The following PTPRK variants were observed in gnomAD, a reference collection of about 807,000 sequenced individuals.
The protein encoded by PTPRK is protein tyrosine phosphatase receptor type K.
PTPRK carries 75 observed loss-of-function variants against 178.0 expected under a neutral mutation model. The observed-to-expected ratio is 0.42, with a 90% CI of 0.35 to 0.51. PTPRK has a LOEUF of 0.51. PTPRK is among the 20% of genes least tolerant of loss of function. The pLI, the probability that PTPRK is intolerant of heterozygous loss-of-function variation, is 0.02. For synonymous variants in PTPRK, 637 were observed against 620.6 expected (o/e 1.03, Z -0.39); for missense variants, 1,441 against 1,797.8 (o/e 0.80, Z 3.59).
At chr6:128,397,734 AAC>A in intron 1 of PTPRK, 46 bp from the exon 2 acceptor site, 5 of 1,585,130 alleles carry the variant, frequency 3.2e-6, no homozygotes, top group Non-Finnish European at 4.3e-6. Flanking sequence ...AGATTTTCCA[AAC>A]ATAACGAAAG....
intron 3 of PTPRK, among the ~76,000 whole-genome samples, chr6:128,301,032 A>T (rs1825522917): frequency 6.6e-6 from 1 of 151,864 alleles, no homozygotes; most frequent in East Asian, 1.9e-4. Context: ...CCAACAGGAG[A>T]GCTTTTTCAG....
chr6:128,256,465 A>C (rs1817329279), intron 3 of PTPRK, among the ~76,000 whole-genome samples: 1 of 147,514 alleles, frequency 6.8e-6, no homozygotes, highest in African/African-American at 2.5e-5. Context: ...TTTTTTTGAG[A>C]TGGAGTCTCG....
At chr6:128,173,946 C>A (rs1800672414) in intron 7 of PTPRK, among the ~76,000 whole-genome samples, 2 of 150,244 alleles carry the variant, frequency 1.3e-5, no homozygotes, top group Non-Finnish European at 3.0e-5. Context: ...AAAATGTATT[C>A]CCTTACATAA....
At chr6:128,384,276 T>C (rs1166798551) in intron 2 of PTPRK, among the ~76,000 whole-genome samples, 1 of 152,216 alleles carries the variant, frequency 6.6e-6, no homozygotes, top group Admixed American at 6.5e-5. Context: ...CATATTTTTA[T>C]CAATAGAAAA....
At chr6:128,243,278 A>C (rs79968427) in intron 3 of PTPRK, among the ~76,000 whole-genome samples, 1,629 of 152,168 alleles carry the variant, frequency 0.011, 28 homozygotes, top group African/African-American at 0.036. Flanking sequence ...TAAGAAAAAA[A>C]AAGTTTCTAG....
intron 1 of PTPRK, among the ~76,000 whole-genome samples, chr6:128,410,893 T>C (rs1264103593): frequency 6.6e-6 from 1 of 152,110 alleles, no homozygotes; most frequent in African/African-American, 2.4e-5. Context: ...TACGTTTGTT[T>C]GTTTATTTTC....
chr6:128,387,666 AAAG>A (rs1451803030), intron 2 of PTPRK, among the ~76,000 whole-genome samples: 2 of 152,204 alleles, frequency 1.3e-5, no homozygotes, highest in African/African-American at 2.4e-5. Flanking sequence ...TTTTTTAAAT[AAAG>A]TATGTTCCCT....
At chr6:128,218,278 A>C (rs1463368680) in intron 6 of PTPRK, among the ~76,000 whole-genome samples, 2 of 152,254 alleles carry the variant, frequency 1.3e-5, no homozygotes. Context: ...AGTGCTTACA[A>C]TATAAGAGGG....
intron 7 of PTPRK, among the ~76,000 whole-genome samples, chr6:128,183,682 T>C (rs1199310665): frequency 6.6e-6 from 1 of 152,180 alleles, no homozygotes; most frequent in Non-Finnish European, 1.5e-5. Context: ...ACTAAAAATG[T>C]AGTCAAGTAA....
intron 2 of PTPRK, among the ~76,000 whole-genome samples, chr6:128,325,490 C>T (rs1408825014): frequency 1.3e-5 from 2 of 151,924 alleles, no homozygotes; most frequent in Non-Finnish European, 2.9e-5. Flanking sequence ...AAAAAACAAA[C>T]CCATCAAAAA....
At chr6:128,047,138 G>A (rs1038713531) in intron 13 of PTPRK, among the ~76,000 whole-genome samples, 7 of 152,172 alleles carry the variant, frequency 4.6e-5, no homozygotes, top group African/African-American at 1.4e-4. Context: ...GTGCTGGTAT[G>A]TCTTATGCAT....
At chr6:128,380,798 AT>A (rs1837796556) in intron 2 of PTPRK, among the ~76,000 whole-genome samples, 1 of 152,146 alleles carries the variant, frequency 6.6e-6, no homozygotes, top group African/African-American at 2.4e-5. Flanking sequence ...CAGATTTCTC[AT>A]TTTAGAACAA....
chr6:128,509,156 G>T (rs1856804917), intron 1 of PTPRK, among the ~76,000 whole-genome samples: 1 of 152,004 alleles, frequency 6.6e-6, no homozygotes, highest in Non-Finnish European at 1.5e-5. Context: ...TCCATTATCA[G>T]ATTGAAACAA....
At chr6:128,171,319 G>C (rs893065515) in intron 7 of PTPRK, among the ~76,000 whole-genome samples, 15 of 151,930 alleles carry the variant, frequency 9.9e-5, no homozygotes, top group African/African-American at 3.4e-4. Context: ...TTTCATATTA[G>C]TACAAAAAAC....
chr6:128,341,585 A>G (rs1831667758), intron 2 of PTPRK, among the ~76,000 whole-genome samples: 1 of 152,176 alleles, frequency 6.6e-6, no homozygotes, highest in Non-Finnish European at 1.5e-5. Flanking sequence ...CAAGATATTT[A>G]CCCCCTTGAA....
intron 3 of PTPRK, among the ~76,000 whole-genome samples, chr6:128,276,153 C>T (rs1738289): frequency 0.044 from 6,622 of 152,034 alleles, 483 homozygotes; most frequent in African/African-American, 0.15. Flanking sequence ...AATTATTCAA[C>T]AACAAGAGCA....
intron 2 of PTPRK, among the ~76,000 whole-genome samples, chr6:128,341,280 T>A (rs1001518243): frequency 1.3e-5 from 2 of 152,168 alleles, no homozygotes; most frequent in Non-Finnish European, 2.9e-5. Context: ...TGTATATTAA[T>A]TTTAGACTCA....
At chr6:128,363,668 G>A (rs17055782) in intron 2 of PTPRK, among the ~76,000 whole-genome samples, 1 of 151,894 alleles carries the variant, frequency 6.6e-6, no homozygotes, top group Non-Finnish European at 1.5e-5. Context: ...CTTTCATCTG[G>A]GAATCAGTTT....
At chr6:128,328,808 G>GA (rs1166007586) in intron 2 of PTPRK, among the ~76,000 whole-genome samples, 2 of 151,948 alleles carry the variant, frequency 1.3e-5, no homozygotes, top group African/African-American at 4.8e-5. Context: ...ATATTTTCAT[G>GA]AAAAATAACC....
Sources: allele counts gnomAD v4.1 joint callset (sites outside exome capture counted in the v4.1 genomes callset), GRCh38; gene constraint gnomAD v4.1.1; transcripts MANE v1.5; gene names NCBI Gene and HGNC (gene_info 2026-07-23, HGNC 2026-07-21).